MBNL1: variants seen among roughly 807,000 people sequenced by gnomAD.
The protein encoded by MBNL1 is muscleblind like splicing regulator 1.
In MBNL1, 8 loss-of-function variants were observed where a neutral mutation model predicts 42.2. The ratio of observed to expected loss-of-function variants is 0.19; its 90% CI spans 0.11 to 0.34. MBNL1 has a LOEUF of 0.34. Ranked by LOEUF, MBNL1 falls within the 10% of genes least tolerant of loss-of-function variation. The pLI, the probability that MBNL1 is intolerant of heterozygous loss-of-function variation, is 1.00. For synonymous variants in MBNL1, 169 were observed against 173.9 expected (o/e 0.97, Z 0.22); for missense variants, 309 against 495.3 (o/e 0.62, Z 3.57).
At chr3:152,261,962 G>A (rs1482952724) in intron 2 of MBNL1, among the ~76,000 whole-genome samples, 1 of 152,074 alleles carries the variant, frequency 6.6e-6, no homozygotes, top group African/African-American at 2.4e-5. Flanking sequence ...CTTGGCACAT[G>A]GTAAGCACGC....
chr3:152,346,748 A>T (rs1053015455), intron 2 of MBNL1, among the ~76,000 whole-genome samples: 1 of 152,064 alleles, frequency 6.6e-6, no homozygotes, highest in African/African-American at 2.4e-5. Context: ...AAACACTAAA[A>T]TAGTGAGGGT....
At chr3:152,388,196 G>C (rs1272027252) in intron 2 of MBNL1, among the ~76,000 whole-genome samples, 1 of 152,096 alleles carries the variant, frequency 6.6e-6, no homozygotes, top group Non-Finnish European at 1.5e-5. Context: ...CAGGTGCTCT[G>C]AGTTGACTTG....
intron 2 of MBNL1, among the ~76,000 whole-genome samples, chr3:152,387,005 A>G (rs1015614097): frequency 6.6e-6 from 1 of 152,110 alleles, no homozygotes; most frequent in Non-Finnish European, 1.5e-5. Context: ...AAAATAGATT[A>G]AGTAAACAGA....
intron 4 of MBNL1, among the ~76,000 whole-genome samples, chr3:152,434,475 T>C (rs1235595589): frequency 1.3e-5 from 2 of 152,210 alleles, no homozygotes; most frequent in African/African-American, 4.8e-5. Context: ...TTAAGTTGAT[T>C]CTATGTTTTG....
chr3:152,278,700 C>A (rs2046684862), intron 1 of MBNL1, among the ~76,000 whole-genome samples: 2 of 152,114 alleles, frequency 1.3e-5, no homozygotes, highest in Non-Finnish European at 2.9e-5. Flanking sequence ...GTGCTGAGGT[C>A]TTTTCCCTTA....
intron 2 of MBNL1, among the ~76,000 whole-genome samples, chr3:152,363,760 C>G (rs1393325509): frequency 3.3e-5 from 5 of 152,040 alleles, no homozygotes; most frequent in African/African-American, 1.2e-4. Context: ...ACGGGTCACA[C>G]AGTCTGTTCC....
At chr3:152,298,227 C>G (rs914454356) in intron 1 of MBNL1, among the ~76,000 whole-genome samples, 3 of 152,126 alleles carry the variant, frequency 2.0e-5, no homozygotes, top group Admixed American at 6.5e-5. Context: ...GTCATTGCCT[C>G]TTTAAAATGT....
rs114871485 is a variant in MBNL1 at position 152,315,799 on chromosome 3, C to T, written c.174+15432C>T. ...GGAGCCAAACCAAAGTTTAAAGAAA[C>T]GTTTTCCAGCAGACAAGTTTCTACA... On this transcript the variant is annotated intron_variant, in intron 2 of 9. Transcript: ENST00000324210. Among the ~76,000 whole-genome samples, 260 of 152,002 alleles carry T rather than the reference C, an allele frequency of 1.7e-3. 1 individual carries two copies. The highest frequency in any genetic ancestry group is 6.0e-3 in the African/African-American group (249 of 41,478).
chr3:152,306,564 G>A (rs1250652105), intron 2 of MBNL1, among the ~76,000 whole-genome samples: 1 of 152,172 alleles, frequency 6.6e-6, no homozygotes, highest in Non-Finnish European at 1.5e-5. Flanking sequence ...CTTATTGACT[G>A]ATTTTGGTAG....
intron 2 of MBNL1, among the ~76,000 whole-genome samples, chr3:152,346,674 A>G (rs531901160): frequency 9.9e-4 from 150 of 152,224 alleles, no homozygotes; most frequent in African/African-American, 3.5e-3. Flanking sequence ...AGCCACCATT[A>G]TCATTTACGT....
intron 2 of MBNL1, among the ~76,000 whole-genome samples, chr3:152,407,535 A>T (rs1057210900): frequency 6.6e-6 from 1 of 152,176 alleles, no homozygotes; most frequent in Non-Finnish European, 1.5e-5. Context: ...GTTTGATTTA[A>T]AGAATAGTTT....
intron 2 of MBNL1, among the ~76,000 whole-genome samples, chr3:152,358,835 C>T (rs571586133): frequency 3.0e-4 from 45 of 152,124 alleles, no homozygotes; most frequent in Non-Finnish European, 4.6e-4. Flanking sequence ...GTCTCAAACT[C>T]CTGGGCTCAA....
At chr3:152,370,197 T>A (rs947059009) in intron 2 of MBNL1, among the ~76,000 whole-genome samples, 1 of 152,220 alleles carries the variant, frequency 6.6e-6, no homozygotes, top group Non-Finnish European at 1.5e-5. Flanking sequence ...GAGATTCTGG[T>A]ACATTGTGTG....
intron 3 of MBNL1, among the ~76,000 whole-genome samples, chr3:152,430,840 G>A (rs2098997415): frequency 6.6e-6 from 1 of 152,202 alleles, no homozygotes; most frequent in Non-Finnish European, 1.5e-5. Context: ...TGTGCTGGGA[G>A]GGGTTGGGGA....
chr3:152,307,340 G>A (rs909971516), intron 2 of MBNL1, among the ~76,000 whole-genome samples: 4 of 152,158 alleles, frequency 2.6e-5, no homozygotes, highest in Admixed American at 2.6e-4. Flanking sequence ...GAATATAGCA[G>A]AAATGCCATG....
intron 2 of MBNL1, among the ~76,000 whole-genome samples, chr3:152,356,674 T>A (rs1434550674): frequency 6.6e-6 from 1 of 152,202 alleles, no homozygotes; most frequent in Admixed American, 6.5e-5. Context: ...TTCACCATGT[T>A]GGTCAGGCTG....
chr3:152,439,029 G>A (rs1935649735), intron 4 of MBNL1, among the ~76,000 whole-genome samples: 1 of 152,092 alleles, frequency 6.6e-6, no homozygotes, highest in African/African-American at 2.4e-5. Context: ...AAAAGCATGA[G>A]TATTCCAGGA....
At chr3:152,345,363 A>G (rs991039458) in intron 2 of MBNL1, among the ~76,000 whole-genome samples, 4 of 152,110 alleles carry the variant, frequency 2.6e-5, no homozygotes, top group African/African-American at 9.7e-5. Flanking sequence ...CTCAAATAAA[A>G]TCAGTGGGAT....
At chr3:152,426,866 G>A (rs993652986) in intron 3 of MBNL1, among the ~76,000 whole-genome samples, 9 of 152,214 alleles carry the variant, frequency 5.9e-5, no homozygotes, top group Non-Finnish European at 1.3e-4. Flanking sequence ...CTTCTTTGCT[G>A]CTTCTGTAAC....
Sources: gnomAD v4.1 joint callset for allele counts (sites outside exome capture counted in the v4.1 genomes callset) on GRCh38, gnomAD v4.1.1 for gene constraint, MANE v1.5 for transcripts, NCBI Gene and HGNC (gene_info 2026-07-23, HGNC 2026-07-21) for gene names.